Variants in TIAM1 observed in about 807,000 individuals in gnomAD.
The protein encoded by TIAM1 is TIAM Rac1 associated GEF 1.
Under a neutral mutation model 163.5 loss-of-function variants are expected in TIAM1, and 65 were observed. The ratio of observed to expected loss-of-function variants is 0.40; its 90% CI spans 0.33 to 0.49. The LOEUF is 0.49. Ranked by LOEUF, TIAM1 falls within the 20% of genes least tolerant of loss-of-function variation. The pLI is 0.77. For synonymous variants in TIAM1, 833 were observed against 810.1 expected (o/e 1.03, Z -0.48); for missense variants, 1,789 against 2,044.7 (o/e 0.87, Z 2.41).
In TIAM1 at chr21:31,187,052, G is replaced by T; in HGVS notation, c.2611C>A (p.Arg871=). The T allele has an allele frequency of 2.5e-6, 4 of 1,614,036 alleles. No individual in the cohort carries two copies. The highest frequency in any genetic ancestry group is 1.6e-4 in the Middle Eastern group (1 of 6,062). Residue 871 remains arginine (R), a synonymous_variant, in exon 14 of 28, where the codon CGA becomes AGA. Coordinates refer to ENST00000541036, the MANE Select transcript of TIAM1 (RefSeq NM_001353694.2). ...SLSSVEEDGI[R]RLYVNSVKET... is the part of the protein sequence containing the mutation. Reference sequence around the variant, plus strand: ...TTCACACTATTCACGTACAGCCTTCGAATACCATCTTCTTCCACAGAAGAA... The same window carrying T: ...TTCACACTATTCACGTACAGCCTTCTAATACCATCTTCTTCCACAGAAGAA...
intron 19 of TIAM1, among the ~76,000 whole-genome samples, chr21:31,150,734 G>A (rs1337874430): frequency 6.6e-6 from 1 of 152,062 alleles, no homozygotes; most frequent in East Asian, 1.9e-4. Flanking sequence ...TTGAAAAACT[G>A]TACTTCATCA....
chr21:31,525,363 G>T (rs866359890), intron 1 of TIAM1, among the ~76,000 whole-genome samples: 1 of 145,758 alleles, frequency 6.9e-6, no homozygotes, highest in Admixed American at 6.9e-5. Flanking sequence ...GCCAGACTCC[G>T]TCTCAAAAAA....
rs1254736095 is a variant in TIAM1 at position 31,203,617 on chromosome 21, G to T, written c.2389-605C>A. Reference sequence around the variant, plus strand: ...TTGATTCATTGTGCTCTCTAACACTGGTAAAATTTTCAACACAACACAGCA... The same window carrying T: ...TTGATTCATTGTGCTCTCTAACACTTGTAAAATTTTCAACACAACACAGCA... On this transcript the variant is annotated intron_variant, in intron 11 of 27. Coordinates refer to ENST00000541036, the MANE Select transcript of TIAM1 (RefSeq NM_001353694.2). Among the ~76,000 whole-genome samples, 4 of 152,254 alleles carry T rather than the reference G, an allele frequency of 2.6e-5. No individual in the cohort carries two copies. The South Asian group carries it at 8.3e-4, about 32-fold the overall frequency.
chr21:31,489,113 C>G (rs961883563), intron 1 of TIAM1, among the ~76,000 whole-genome samples: 8 of 151,310 alleles, frequency 5.3e-5, no homozygotes, highest in African/African-American at 1.9e-4. Flanking sequence ...CTCACGCCTG[C>G]AATTGCAGCA....
chr21:31,169,020 C>T lies in TIAM1; in HGVS notation c.2888-3955G>A, dbSNP rs1004124764. Among the ~76,000 whole-genome samples, 6 of 152,206 alleles carry T rather than the reference C, an allele frequency of 3.9e-5. No homozygotes were observed. In the East Asian group the frequency reaches 5.8e-4, roughly 15 times the overall value. On this transcript the variant is annotated intron_variant, in intron 15 of 27. Coordinates refer to ENST00000541036, the MANE Select transcript of TIAM1 (RefSeq NM_001353694.2). ...TTAAAAGAAGAAAGGGGGCTGAACACGGTGGCTCATGCCTGTAATCCCAGC... is the reference window on the plus strand; with the variant it reads ...TTAAAAGAAGAAAGGGGGCTGAACATGGTGGCTCATGCCTGTAATCCCAGC...
At chr21:31,214,287 T>C (rs2087051134) in intron 9 of TIAM1, among the ~76,000 whole-genome samples, 1 of 151,610 alleles carries the variant, frequency 6.6e-6, no homozygotes, top group African/African-American at 2.4e-5. Flanking sequence ...ACCACACTAC[T>C]GTACTCCAGC....
intron 2 of TIAM1, among the ~76,000 whole-genome samples, chr21:31,314,861 CT>C (rs1372601777): frequency 6.6e-6 from 1 of 152,114 alleles, no homozygotes; most frequent in Non-Finnish European, 1.5e-5. Flanking sequence ...CCCTGGAGGA[CT>C]TTCAAAGGTA....
At chr21:31,209,894 C>T (rs1569029006) in intron 11 of TIAM1, 151 bp downstream of exon 11, 1 of 729,766 alleles carries the variant, frequency 1.4e-6, no homozygotes, top group Non-Finnish European at 2.1e-6. Context: ...AATACTATCA[C>T]AAAGGAATGC....
intron 1 of TIAM1, among the ~76,000 whole-genome samples, chr21:31,481,897 A>G (rs533860236): frequency 1.3e-5 from 2 of 151,934 alleles, no homozygotes; most frequent in Non-Finnish European, 2.9e-5. Context: ...TAAGGAGAGG[A>G]TGGAGCTGAA....
intron 1 of TIAM1, among the ~76,000 whole-genome samples, chr21:31,498,452 A>C (rs1302306964): frequency 6.6e-6 from 1 of 151,458 alleles, no homozygotes; most frequent in Non-Finnish European, 1.5e-5. Flanking sequence ...CAGCACCCCC[A>C]CTCTCCCTTA....
chr21:31,467,100 A>C (rs1423922260), intron 1 of TIAM1, among the ~76,000 whole-genome samples: 1 of 152,198 alleles, frequency 6.6e-6, no homozygotes, highest in African/African-American at 2.4e-5. Context: ...CATAATCCCC[A>C]AATCCAAAGG....
intron 22 of TIAM1, among the ~76,000 whole-genome samples, chr21:31,138,199 T>C (rs2082700298): frequency 6.6e-6 from 1 of 152,148 alleles, no homozygotes; most frequent in Admixed American, 6.5e-5. Context: ...CTTGCATTCT[T>C]CTTCCTCCTA....
chr21:31,334,171 G>A (rs951121199), intron 2 of TIAM1, among the ~76,000 whole-genome samples: 9 of 152,082 alleles, frequency 5.9e-5, no homozygotes, highest in Non-Finnish European at 1.0e-4. Flanking sequence ...CTGAAACCAC[G>A]AAAAATCCAT....
Position 31,124,588 on chromosome 21 carries a change from A to G in TIAM1, c.4240T>C (p.Tyr1414His). The G allele has an allele frequency of 6.2e-7, 1 of 1,613,704 alleles. No homozygotes were observed. The highest frequency in any genetic ancestry group is 8.5e-7 in the Non-Finnish European group (1 of 1,179,856). ...AATCTTTTGCCTCCAAAAGGGACAT[A>G]TTGCTGGGATGAGGGAAGGCTCTCG... is the stretch of plus-strand genomic sequence containing the variant. ...KTESLPSSQQ[Y>H]VPFGGKRLCA... is the part of the protein sequence containing the mutation. Residue 1414 changes from tyrosine to histidine, a missense_variant, in exon 27 of 28, where the codon TAT becomes CAT. Tyr to His is a moderately conservative substitution (Grantham distance 83). Coordinates refer to ENST00000541036, the MANE Select transcript of TIAM1 (RefSeq NM_001353694.2).
chr21:31,211,414 G>C (rs540100260), intron 10 of TIAM1, among the ~76,000 whole-genome samples: 1 of 152,238 alleles, frequency 6.6e-6, no homozygotes, highest in South Asian at 2.1e-4. Context: ...TAAGTAATAG[G>C]CCTTCATTAT....
chr21:31,359,840 GGAAGGAAGGAAGGAAGGAAGGA>G, intron 2 of TIAM1, among the ~76,000 whole-genome samples: 1 of 141,490 alleles, frequency 7.1e-6, no homozygotes, highest in East Asian at 2.0e-4. Context: ...AAGGAAGGAA[GGAAGGAAGGAAGGAAGGAAGGA>G]AGGGAGGGAG....
At position 31,187,006 on chromosome 21, in the gene TIAM1, T is replaced by C. The variant is rs140991416; in HGVS notation, c.2657A>G (p.Lys886Arg). Residue 886 changes from lysine (K) to arginine (R), a missense_variant, in exon 14 of 28, where the codon AAG becomes AGG. Lys to Arg is a conservative substitution (Grantham distance 26, BLOSUM62 2). This residue lies in a region of TIAM1 where 303 missense variants were observed against 321.3 expected (regional missense o/e 0.94). Transcript: ENST00000541036. The part of the protein sequence containing the change: ...NSVKETGLAS[K>R]KGLKAGDEIL... The stretch of plus-strand genomic sequence containing the variant: ...GCCCTCCTTCACTGACTTACCTTTC[T>C]TGGAAGCTAAACCGGTTTCCTTCAC... The C allele has an allele frequency of 5.4e-5, 87 of 1,614,072 alleles. No individual in the cohort carries two copies. The African/African-American group carries it at 1.0e-3, about 19-fold the overall frequency.
At chr21:31,515,876 G>A (rs2047363489) in intron 1 of TIAM1, among the ~76,000 whole-genome samples, 1 of 152,114 alleles carries the variant, frequency 6.6e-6, no homozygotes, top group Non-Finnish European at 1.5e-5. Flanking sequence ...GAGAGGCCAA[G>A]GCAGGCGGAT....
chr21:31,321,420 T>G (rs1415375139), intron 2 of TIAM1, among the ~76,000 whole-genome samples: 1 of 152,148 alleles, frequency 6.6e-6, no homozygotes, highest in East Asian at 1.9e-4. Context: ...TGGCGCGATC[T>G]TGGCTCACTG....
Sources: gnomAD v4.1 joint callset for allele counts (sites outside exome capture counted in the v4.1 genomes callset) on GRCh38, gnomAD v4.1.1 for gene constraint, gnomAD v4.1.1 regional missense constraint, MANE v1.5 for transcripts, NCBI Gene and HGNC (gene_info 2026-07-23, HGNC 2026-07-21) for gene names.